TRIM3: variants seen among roughly 807,000 people sequenced by gnomAD.
TRIM3 encodes tripartite motif-containing protein 3.
Under a neutral mutation model 66.6 loss-of-function variants are expected in TRIM3, and 13 were observed. The observed-to-expected ratio is 0.20, with a 90% CI of 0.13 to 0.31. The LOEUF is 0.31. Ranked by LOEUF, TRIM3 falls within the 10% of genes least tolerant of loss-of-function variation. The pLI, the probability that TRIM3 is intolerant of heterozygous loss-of-function variation, is 1.00. For missense variants in TRIM3, 711 were observed against 1,020.4 expected, an observed-to-expected ratio of 0.70 and a Z score of 4.13; for synonymous variants, 406 against 411.7, an observed-to-expected ratio of 0.99 and a Z score of 0.17.
In TRIM3 at chr11:6,456,443, G is replaced by C; in HGVS notation, c.1283C>G (p.Pro428Arg). The C allele has an allele frequency of 6.5e-7, 1 of 1,537,938 alleles. No individual in the cohort carries two copies. Among genetic ancestry groups the C allele is most frequent in the South Asian group, 1.2e-5 (1 of 80,182 alleles). The change falls in exon 6 of 12, where the codon CCG becomes CGG. Residue 428 changes from proline (P) to arginine (R), a missense_variant. This residue lies in a region of TRIM3 where 399 missense variants were observed against 458.1 expected (regional missense o/e 0.87). Transcript: ENST00000345851. This position sits in a 1 kb window ranked among gnomAD's most constrained non-coding sequence, Gnocchi z 6.4. ...ALRPGDLPPSPDDVKRRVKSP... is the reference protein window; with the variant it reads ...ALRPGDLPPSRDDVKRRVKSP... ...CTTGACACGGCGCTTCACATCGTCC[G>C]GGGAAGGTGGCAGGTCCCCCGGACG... is the stretch of plus-strand genomic sequence containing the variant.
chr11:6,449,481 G>A lies in TRIM3; in HGVS notation c.1942-35C>T. 1.3e-6 allele frequency: 2 copies of A among 1,596,676 alleles called. No homozygotes were observed. The highest frequency in any genetic ancestry group is 1.7e-6 in the Non-Finnish European group (2 of 1,169,144). On this transcript the variant is annotated intron_variant, in intron 10 of 11. Transcript: ENST00000345851. The surrounding 1 kb of genome is among the most constrained non-coding windows in gnomAD (Gnocchi z 5.3). ...GAAGGGGCTAGGGACTGGGGACCTG[G>A]CCTCAGGCAGAGGGTAGGGCTTTGG...
Position 6,450,517 on chromosome 11 carries a change from G to T in TRIM3, c.1941+34C>A. 6.3e-7 allele frequency: 1 copy of T among 1,584,652 alleles called. No homozygotes were observed. The highest frequency in any genetic ancestry group is 8.7e-7 in the Non-Finnish European group (1 of 1,153,046). On this transcript the variant is annotated intron_variant, in intron 10 of 11. Coordinates refer to ENST00000345851, the MANE Select transcript of TRIM3 (RefSeq NM_033278.4). The surrounding 1 kb of genome is among the most constrained non-coding windows in gnomAD (Gnocchi z 4.8). Reference sequence around the variant, plus strand: ...TCTTGTGGAAGAGGAAAGGATGTTGGGACAGTGGTCACGGAGGGAGGGAAG... The same window carrying T: ...TCTTGTGGAAGAGGAAAGGATGTTGTGACAGTGGTCACGGAGGGAGGGAAG...
At chr11:6,464,478 T>C (rs1850362100) in intron 2 of TRIM3, among the ~76,000 whole-genome samples, 1 of 152,240 alleles carries the variant, frequency 6.6e-6, no homozygotes, top group Non-Finnish European at 1.5e-5. Flanking sequence ...AGCTCAGCAC[T>C]TTATTTGCAG....
In TRIM3 at chr11:6,456,102, C is replaced by T. The variant is rs1458316600; in HGVS notation, c.1503G>A (p.Val501=). 6.2e-7 allele frequency: 1 copy of T among 1,614,042 alleles called. No individual in the cohort carries two copies. Among genetic ancestry groups the T allele is most frequent in the African/African-American group, 1.3e-5 (1 of 74,894 alleles). Residue 501 remains valine, a synonymous_variant, in exon 7 of 12, where the codon GTG becomes GTA. Transcript: ENST00000345851. This position sits in a 1 kb window ranked among gnomAD's most constrained non-coding sequence, Gnocchi z 6.4. ...GVSAASSGRI[V]VADSNNQCIQ... ...TACACTGGTTGTTGCTGTCTGCTACCACGATGCGGCCGCTGCTGGCTGCGG... is the reference window on the plus strand; with the variant it reads ...TACACTGGTTGTTGCTGTCTGCTACTACGATGCGGCCGCTGCTGGCTGCGG...
intron 2 of TRIM3, among the ~76,000 whole-genome samples, chr11:6,464,699 TA>T (rs781133893): frequency 1.6e-4 from 24 of 152,176 alleles, no homozygotes; most frequent in Admixed American, 5.9e-4. Flanking sequence ...TATCAGTTTT[TA>T]AAAAGAGTAA....
At chr11:6,462,255 T>C (rs1019470624) in intron 2 of TRIM3, among the ~76,000 whole-genome samples, 2 of 152,180 alleles carry the variant, frequency 1.3e-5, no homozygotes, top group Non-Finnish European at 2.9e-5. Context: ...GATTGCTTAC[T>C]GTCAGTCACT....
At chr11:6,468,207 CT>C (rs1850547123) in intron 1 of TRIM3, among the ~76,000 whole-genome samples, 1 of 152,176 alleles carries the variant, frequency 6.6e-6, no homozygotes. Context: ...ACTTAGCTTT[CT>C]CATTTTAGCA....
In TRIM3 at chr11:6,465,624, G is replaced by A; in HGVS notation, c.72C>T (p.Ile24=). ...PMDKQFLVCS[I]CLDRYQCPKV... ...TGGGGCACTGGTACCGATCCAGGCA[G>A]ATGCTGCATACCAGGAACTGCTTGT... Residue 24 remains isoleucine, a synonymous_variant, in exon 2 of 12, where the codon ATC becomes ATT. Transcript: ENST00000345851. 3.7e-6 allele frequency: 6 copies of A among 1,614,220 alleles called. No homozygotes were observed. The highest frequency in any genetic ancestry group is 5.1e-6 in the Non-Finnish European group (6 of 1,180,034).
intron 1 of TRIM3, among the ~76,000 whole-genome samples, chr11:6,468,204 T>G (rs554989688): frequency 6.6e-6 from 1 of 152,332 alleles, no homozygotes; most frequent in East Asian, 1.9e-4. Context: ...ATGACTTAGC[T>G]TTCTCATTTT....
intron 7 of TRIM3, chr11:6,453,179 T>G (rs1774829602): frequency 6.6e-6 from 1 of 152,222 alleles, no homozygotes; most frequent in Non-Finnish European, 1.5e-5. Context: ...AACAAATGAA[T>G]GAACTCCCCA....
intron 2 of TRIM3, among the ~76,000 whole-genome samples, chr11:6,460,589 G>A (rs542612482): frequency 9.2e-5 from 14 of 152,172 alleles, no homozygotes; most frequent in Non-Finnish European, 1.8e-4. Context: ...AGGGACATAG[G>A]AGAGTGAAGG....
intron 2 of TRIM3, among the ~76,000 whole-genome samples, chr11:6,461,800 A>C (rs1436707613): frequency 6.6e-6 from 1 of 151,900 alleles, no homozygotes; most frequent in Non-Finnish European, 1.5e-5. Context: ...CTCCTTTATA[A>C]TCCATTCTCT....
At chr11:6,453,503 A>G (rs1314786897) in intron 7 of TRIM3, among the ~76,000 whole-genome samples, 3 of 152,206 alleles carry the variant, frequency 2.0e-5, no homozygotes, top group Admixed American at 1.3e-4. Flanking sequence ...AAAGACTTAA[A>G]CCAAAATAAA....
At position 6,448,881 on chromosome 11, in the gene TRIM3, G is replaced by T; in HGVS notation, c.*147C>A. ...ATAAATAAAGTGCAACCGTGGGGGT[G>T]GGGGTAGGAGAGGGAGGGCACCGGG... On this transcript the variant is annotated 3_prime_UTR_variant, in exon 12 of 12. Transcript: ENST00000345851. The T allele has an allele frequency of 1.1e-6, 1 of 924,958 alleles. No individual in the cohort carries two copies. The highest frequency in any genetic ancestry group is 1.7e-6 in the Non-Finnish European group (1 of 591,380). 57.3% of individuals were successfully genotyped at this position (924,958 alleles called of 1,614,324 possible).
chr11:6,459,007 T>G (rs1482510866), intron 2 of TRIM3, among the ~76,000 whole-genome samples: 1 of 152,222 alleles, frequency 6.6e-6, no homozygotes, highest in East Asian at 1.9e-4. Context: ...GGTAGGCTAC[T>G]TGTATTACTT....
Position 6,457,170 on chromosome 11 carries a change from G to T in TRIM3, c.696+126C>A. On this transcript the variant is annotated intron_variant, in intron 5 of 11. Transcript: ENST00000345851. This position sits in a 1 kb window ranked among gnomAD's most constrained non-coding sequence, Gnocchi z 4.5. ...CACAGATGCCCACAGCACCTACCGAGGGCATGTCAGGAGGCAGAATATCTA... is the reference window on the plus strand; with the variant it reads ...CACAGATGCCCACAGCACCTACCGATGGCATGTCAGGAGGCAGAATATCTA... 1 of 1,514,738 alleles carries T rather than the reference G, an allele frequency of 6.6e-7. No homozygotes were observed. 93.8% of individuals were successfully genotyped at this position (1,514,738 alleles called of 1,614,324 possible).
At position 6,458,842 on chromosome 11, in the gene TRIM3, G is replaced by A. The variant is rs567334736; in HGVS notation, c.132-546C>T. On this transcript the variant is annotated intron_variant, in intron 2 of 11. Transcript: ENST00000345851. The surrounding 1 kb of genome is among the most constrained non-coding windows in gnomAD (Gnocchi z 6.2). The stretch of plus-strand genomic sequence containing the variant: ...TCACCTGTTATACTGTATGACCCCT[G>A]ACAAGTTACATAACTTTGACAAGCC... Among the ~76,000 whole-genome samples the A allele has an allele frequency of 3.9e-4, 60 of 152,322 alleles. No homozygotes were observed. Among genetic ancestry groups the A allele is most frequent in the Non-Finnish European group, 3.5e-4 (24 of 68,034 alleles).
chr11:6,454,059 G>A (rs148234600), intron 7 of TRIM3, among the ~76,000 whole-genome samples: 1 of 152,218 alleles, frequency 6.6e-6, no homozygotes, highest in East Asian at 1.9e-4. Flanking sequence ...GCTATACCAG[G>A]TGTTCCCTCT....
Position 6,458,745 on chromosome 11 carries a change from C to T in TRIM3, c.132-449G>A, listed in dbSNP as rs1385160244. Among the ~76,000 whole-genome samples, 1 of 152,168 alleles carries T rather than the reference C, an allele frequency of 6.6e-6. No homozygotes were observed. The highest frequency in any genetic ancestry group is 1.5e-5 in the Non-Finnish European group (1 of 68,036). On this transcript the variant is annotated intron_variant, in intron 2 of 11. Coordinates refer to ENST00000345851, the MANE Select transcript of TRIM3 (RefSeq NM_033278.4). This position sits in a 1 kb window ranked among gnomAD's most constrained non-coding sequence, Gnocchi z 6.2. ...AGAGAAAAAAGTCACAGGAATAGTA[C>T]AGAAGTAAATAGCATGATGATTAAG...
Sources: allele counts gnomAD v4.1 joint callset (sites outside exome capture counted in the v4.1 genomes callset), GRCh38; gene constraint gnomAD v4.1.1; regional missense constraint gnomAD v4.1.1; non-coding constraint Gnocchi (gnomAD v3.1); transcripts MANE v1.5; gene names NCBI Gene and HGNC (gene_info 2026-07-23, HGNC 2026-07-21).